The following GATB variants were observed in gnomAD, a reference collection of about 807,000 sequenced individuals.
GATB encodes glutamyl-tRNA(Gln) amidotransferase subunit B, mitochondrial.
Under a neutral mutation model 62.3 loss-of-function variants are expected in GATB, and 39 were observed. The ratio of observed to expected loss-of-function variants is 0.63; its 90% CI spans 0.48 to 0.82. GATB has a LOEUF of 0.82. Among genes scored for constraint, GATB ranks in the 40% least tolerant of loss-of-function variants. GATB has a pLI of 0.00. For synonymous variants in GATB, 276 were observed against 258.9 expected (o/e 1.07, Z -0.63); for missense variants, 670 against 684.0 (o/e 0.98, Z 0.23).
intron 11 of GATB, among the ~76,000 whole-genome samples, chr4:151,679,378 T>TTGA (rs1412654822): frequency 2.0e-5 from 3 of 152,186 alleles, no homozygotes; most frequent in African/African-American, 7.2e-5. Context: ...ACCCTCCTTG[T>TTGA]TGAGGACAGA....
chr4:151,680,117 C>A (rs1183843564), intron 10 of GATB, among the ~76,000 whole-genome samples: 1 of 152,130 alleles, frequency 6.6e-6, no homozygotes, highest in Admixed American at 6.5e-5. Flanking sequence ...CACCACCCAA[C>A]AATAACAGCT....
intron 2 of GATB, among the ~76,000 whole-genome samples, chr4:151,758,258 T>G (rs377681927): frequency 3.6e-4 from 55 of 152,340 alleles, no homozygotes; most frequent in African/African-American, 1.3e-3. Flanking sequence ...GCCTAAATTT[T>G]ATTGGGCTTC....
At chr4:151,715,204 T>G (rs1157205762) in intron 5 of GATB, among the ~76,000 whole-genome samples, 1 of 152,206 alleles carries the variant, frequency 6.6e-6, no homozygotes, top group Non-Finnish European at 1.5e-5. Context: ...AAAAGTACAA[T>G]TGTAGATTCA....
intron 12 of GATB, among the ~76,000 whole-genome samples, chr4:151,671,658 C>T (rs1737865092): frequency 6.6e-6 from 1 of 152,154 alleles, no homozygotes. Flanking sequence ...ATCACTGCGT[C>T]TAATCAGTGA....
chr4:151,680,810 A>G (rs1039783556), intron 10 of GATB, among the ~76,000 whole-genome samples: 10 of 152,212 alleles, frequency 6.6e-5, no homozygotes, highest in Non-Finnish European at 1.2e-4. Context: ...AAAGTCTGAA[A>G]TCTGAAATGC....
intron 10 of GATB, 142 bp from the exon 11 acceptor site, chr4:151,680,033 G>T: frequency 7.7e-6 from 5 of 646,512 alleles, no homozygotes; most frequent in Admixed American, 2.8e-5. Flanking sequence ...AGGCCAACTG[G>T]GCTCTCTTTT....
At chr4:151,675,978 C>T (rs1027694524) in intron 11 of GATB, 2 of 152,248 alleles carry the variant, frequency 1.3e-5, no homozygotes, top group East Asian at 3.9e-4. Context: ...CCTCTCCCTG[C>T]CTGTCCTGGG....
chr4:151,702,040 C>G (rs1738617235), intron 8 of GATB, among the ~76,000 whole-genome samples: 1 of 152,174 alleles, frequency 6.6e-6, no homozygotes, highest in African/African-American at 2.4e-5. Context: ...CTAAGCATGT[C>G]TGAACAAGAA....
intron 9 of GATB, among the ~76,000 whole-genome samples, chr4:151,700,045 C>G (rs889903363): frequency 1.3e-5 from 2 of 152,118 alleles, no homozygotes; most frequent in African/African-American, 4.8e-5. Flanking sequence ...GTTGGAAACT[C>G]AAGTGGTCAA....
intron 1 of GATB, among the ~76,000 whole-genome samples, chr4:151,760,354 G>C (rs184740527): frequency 6.6e-6 from 1 of 152,182 alleles, no homozygotes; most frequent in African/African-American, 2.4e-5. Flanking sequence ...CAGATAGCTA[G>C]TGTTTTCTGA....
At chr4:151,682,907 GC>G (rs1578897717) in intron 10 of GATB, among the ~76,000 whole-genome samples, 1 of 152,102 alleles carries the variant, frequency 6.6e-6, no homozygotes, top group Admixed American at 6.5e-5. Context: ...GTTCCAGGCA[GC>G]CCCCTTCTGC....
intron 2 of GATB, among the ~76,000 whole-genome samples, chr4:151,734,073 A>AT (rs1300101307): frequency 2.0e-5 from 3 of 152,194 alleles, no homozygotes; most frequent in Non-Finnish European, 2.9e-5. Context: ...CTCCTCTTCA[A>AT]TATAGTACTG....
At chr4:151,675,532 C>T (rs1737981964) in intron 11 of GATB, 1 of 152,256 alleles carries the variant, frequency 6.6e-6, no homozygotes, top group South Asian at 2.1e-4. Context: ...AGGCCAGACT[C>T]TCCTGCTCCT....
intron 2 of GATB, among the ~76,000 whole-genome samples, chr4:151,740,208 A>G (rs1739456318): frequency 6.6e-6 from 1 of 152,244 alleles, no homozygotes; most frequent in Non-Finnish European, 1.5e-5. Flanking sequence ...ACTACACAAT[A>G]TCTTCCTAGA....
intron 9 of GATB, among the ~76,000 whole-genome samples, chr4:151,695,754 T>C (rs1254514063): frequency 6.6e-6 from 1 of 151,954 alleles, no homozygotes; most frequent in Non-Finnish European, 1.5e-5. Context: ...CCTCAGATTC[T>C]TTTTTCTTTT....
At chr4:151,729,721 G>C (rs1739205753) in intron 2 of GATB, among the ~76,000 whole-genome samples, 1 of 152,154 alleles carries the variant, frequency 6.6e-6, no homozygotes, top group Non-Finnish European at 1.5e-5. Context: ...ATGTTGAAGA[G>C]AGTGGAAGTG....
intron 10 of GATB, among the ~76,000 whole-genome samples, chr4:151,686,660 C>CCCCCCG: frequency 1.6e-5 from 2 of 127,704 alleles, no homozygotes; most frequent in African/African-American, 5.8e-5. Context: ...CCGCCCCCCC[C>CCCCCCG]CCACCCCCCA....
At chr4:151,748,844 C>A (rs1248077782) in intron 2 of GATB, among the ~76,000 whole-genome samples, 1 of 152,122 alleles carries the variant, frequency 6.6e-6, no homozygotes, top group Non-Finnish European at 1.5e-5. Context: ...AAAAGGTGGG[C>A]GAAGGATATG....
chr4:151,714,184 T>C (rs1738871047), intron 5 of GATB, among the ~76,000 whole-genome samples: 1 of 152,180 alleles, frequency 6.6e-6, no homozygotes, highest in Non-Finnish European at 1.5e-5. Flanking sequence ...AGCTGGTCTA[T>C]GCTCATCAGC....
Sources: gnomAD v4.1 joint callset for allele counts (sites outside exome capture counted in the v4.1 genomes callset) on GRCh38, gnomAD v4.1.1 for gene constraint, MANE v1.5 for transcripts, NCBI Gene and HGNC (gene_info 2026-07-23, HGNC 2026-07-21) for gene names.